The following CSMD3 variants were observed in gnomAD, a reference collection of about 807,000 sequenced individuals.
CSMD3 encodes CUB and Sushi multiple domains 3.
Under a neutral mutation model 435.2 loss-of-function variants are expected in CSMD3, and 177 were observed. The observed-to-expected ratio is 0.41, with a 90% confidence interval of 0.36 to 0.46. CSMD3 has a LOEUF of 0.46. Ranked by LOEUF, CSMD3 falls within the 20% of genes least tolerant of loss-of-function variation. The pLI, the probability that CSMD3 is intolerant of heterozygous loss-of-function variation, is 0.34. For synonymous variants in CSMD3, 1,656 were observed against 1,520.5 expected (o/e 1.09, Z -2.07); for missense variants, 4,265 against 4,504.6 (o/e 0.95, Z 1.52).
At chr8:112,375,668 A>AT (rs1828874133) in intron 38 of CSMD3, among the ~76,000 whole-genome samples, 1 of 152,102 alleles carries the variant, frequency 6.6e-6, no homozygotes, top group Non-Finnish European at 1.5e-5. Context: ...ATTAATGATC[A>AT]TATCTTATAC....
chr8:112,897,690 CTCTCTG>C lies in CSMD3; in HGVS notation c.1633+23931_1633+23936del, dbSNP rs1274164098. 6.1e-3 allele frequency among the ~76,000 whole-genome samples: 768 copies of C among 125,090 alleles called. 1 individual carries two copies. The highest frequency in any genetic ancestry group is 8.3e-3 in the Non-Finnish European group (492 of 59,628). 82.1% of individuals were successfully genotyped at this position (125,090 alleles called of 152,430 possible). On this transcript the variant is annotated intron_variant, in intron 10 of 70. Transcript: ENST00000297405. ...TCTCTCTCTCTCTCTCTCTCTCTCT[CTCTCTG>C]TGTGTGTGTGTGTGTGTGTGTGTGT...
chr8:112,677,741 C>T (rs557909844), intron 16 of CSMD3, among the ~76,000 whole-genome samples: 4 of 152,074 alleles, frequency 2.6e-5, no homozygotes, highest in Non-Finnish European at 4.4e-5. Flanking sequence ...TGTTACACAA[C>T]TTCACAACAA....
intron 3 of CSMD3, among the ~76,000 whole-genome samples, chr8:113,193,087 C>T (rs1041055082): frequency 1.3e-5 from 2 of 151,360 alleles, no homozygotes; most frequent in African/African-American, 4.8e-5. Context: ...TTAGGGAATA[C>T]AGACCTAGCT....
chr8:112,997,844 A>G (rs1435807086), intron 6 of CSMD3, among the ~76,000 whole-genome samples: 1 of 129,090 alleles, frequency 7.7e-6, no homozygotes, highest in Non-Finnish European at 1.6e-5. Flanking sequence ...ATACGTATGT[A>G]TGTACATGTA....
intron 4 of CSMD3, among the ~76,000 whole-genome samples, chr8:113,156,271 T>A (rs182421738): frequency 6.2e-4 from 94 of 152,182 alleles, no homozygotes; most frequent in African/African-American, 2.2e-3. Flanking sequence ...AACTGCAATA[T>A]CTCTACATAA....
At chr8:113,066,628 G>A (rs1343673240) in intron 5 of CSMD3, among the ~76,000 whole-genome samples, 1 of 151,866 alleles carries the variant, frequency 6.6e-6, no homozygotes, top group Non-Finnish European at 1.5e-5. Flanking sequence ...TAGTATTCCT[G>A]CTATAAATCT....
chr8:113,431,240 A>G (rs540862517), intron 1 of CSMD3, among the ~76,000 whole-genome samples: 9 of 152,314 alleles, frequency 5.9e-5, no homozygotes, highest in Non-Finnish European at 1.2e-4. Context: ...GTCCAAATCA[A>G]TATTTCCACT....
intron 50 of CSMD3, among the ~76,000 whole-genome samples, chr8:112,306,952 A>C (rs2130793026): frequency 6.6e-6 from 1 of 152,194 alleles, no homozygotes; most frequent in East Asian, 1.9e-4. Flanking sequence ...TTACAATTTT[A>C]AAAGGCTACA....
At chr8:113,150,239 G>C (rs2091775541) in intron 4 of CSMD3, among the ~76,000 whole-genome samples, 1 of 151,802 alleles carries the variant, frequency 6.6e-6, no homozygotes, top group Non-Finnish European at 1.5e-5. Context: ...ATGGCAAAAG[G>C]GTTTTGTAGG....
intron 16 of CSMD3, among the ~76,000 whole-genome samples, chr8:112,674,437 A>C (rs181695069): frequency 6.6e-6 from 1 of 152,182 alleles, no homozygotes; most frequent in Admixed American, 6.6e-5. Context: ...TGCAAAGGCC[A>C]AGAGTGAGGA....
chr8:112,464,097 G>A (rs1043273003), intron 32 of CSMD3, among the ~76,000 whole-genome samples: 1 of 152,050 alleles, frequency 6.6e-6, no homozygotes, highest in Non-Finnish European at 1.5e-5. Flanking sequence ...AATTAGGTGG[G>A]CGTGGTGGCA....
intron 32 of CSMD3, among the ~76,000 whole-genome samples, chr8:112,411,018 A>T (rs1039605982): frequency 6.0e-5 from 9 of 151,072 alleles, no homozygotes; most frequent in Non-Finnish European, 1.2e-4. Flanking sequence ...ATTAGAAAAC[A>T]TGCCCAATTT....
intron 5 of CSMD3, among the ~76,000 whole-genome samples, chr8:113,073,868 T>G (rs998463094): frequency 2.6e-5 from 4 of 151,826 alleles, no homozygotes; most frequent in Non-Finnish European, 5.9e-5. Context: ...ATTACAGGCT[T>G]TGCTCTAAAA....
At chr8:112,589,243 C>G (rs924067007) in intron 22 of CSMD3, among the ~76,000 whole-genome samples, 3 of 152,114 alleles carry the variant, frequency 2.0e-5, no homozygotes, top group African/African-American at 4.8e-5. Context: ...ATTACCTACC[C>G]TTCTCTGCCA....
rs77284571 is a variant in CSMD3, at chr8:113,251,865, A to T, written c.514+26727T>A. 2.7e-4 allele frequency among the ~76,000 whole-genome samples: 41 copies of T among 152,190 alleles called. No individual in the cohort carries two copies. In the East Asian group the frequency reaches 7.9e-3, roughly 29 times the overall value. On this transcript the variant is annotated intron_variant, in intron 3 of 70. Coordinates refer to ENST00000297405, the MANE Select transcript of CSMD3 (RefSeq NM_198123.2). ...GTTTTTATGTTTTTATACAAAAATTAAAAAGTAAATTGTATACTTTCTTAG... is the reference window on the plus strand; with the variant it reads ...GTTTTTATGTTTTTATACAAAAATTTAAAAGTAAATTGTATACTTTCTTAG...
At chr8:113,351,638 T>C (rs2094191023) in intron 1 of CSMD3, among the ~76,000 whole-genome samples, 1 of 152,144 alleles carries the variant, frequency 6.6e-6, no homozygotes, top group African/African-American at 2.4e-5. Flanking sequence ...TCAGTACATA[T>C]TAAGATGCAG....
At chr8:113,049,190 G>T (rs1208892282) in intron 5 of CSMD3, among the ~76,000 whole-genome samples, 2 of 152,144 alleles carry the variant, frequency 1.3e-5, no homozygotes, top group Admixed American at 6.5e-5. Context: ...AGTGAGCCAA[G>T]ATCACGCCAC....
intron 3 of CSMD3, among the ~76,000 whole-genome samples, chr8:113,194,631 C>T (rs761846038): frequency 1.3e-5 from 2 of 151,128 alleles, no homozygotes; most frequent in Non-Finnish European, 3.0e-5. Context: ...CCTGGGGGAA[C>T]ACGTGAGTGT....
chr8:113,139,188 T>C (rs1022267367), intron 4 of CSMD3, among the ~76,000 whole-genome samples: 4 of 150,834 alleles, frequency 2.7e-5, no homozygotes, highest in African/African-American at 9.7e-5. Context: ...AATGAATGGC[T>C]AAGGTCTCTA....
Sources: allele counts gnomAD v4.1 joint callset (sites outside exome capture counted in the v4.1 genomes callset), GRCh38; gene constraint gnomAD v4.1.1; transcripts MANE v1.5; gene names NCBI Gene and HGNC (gene_info 2026-07-23, HGNC 2026-07-21).